TLL1: variants seen among roughly 807,000 people sequenced by gnomAD.
The protein encoded by TLL1 is tolloid-like protein 1.
Under a neutral mutation model 128.2 loss-of-function variants are expected in TLL1, and 49 were observed. That is an observed-to-expected ratio of 0.38 (90% confidence interval 0.30 to 0.48). The LOEUF (loss-of-function observed/expected upper bound fraction) is 0.48. TLL1 is among the 20% of genes least tolerant of loss of function. The pLI, the probability that TLL1 is intolerant of heterozygous loss-of-function variation, is 0.96. For missense variants in TLL1, 1,123 were observed against 1,242.0 expected (o/e 0.90, Z 1.44); for synonymous variants, 454 against 418.8 (o/e 1.08, Z -1.03).
intron 1 of TLL1, among the ~76,000 whole-genome samples, chr4:165,979,087 G>A (rs146630728): frequency 1.1e-4 from 16 of 152,104 alleles, no homozygotes; most frequent in East Asian, 3.9e-4. Flanking sequence ...CCATTATTAC[G>A]TGGCTATTGC....
At chr4:166,026,502 C>T (rs1247032439) in intron 9 of TLL1, among the ~76,000 whole-genome samples, 1 of 152,124 alleles carries the variant, frequency 6.6e-6, no homozygotes, top group African/African-American at 2.4e-5. Flanking sequence ...GCCTGGCCAA[C>T]ATGGTGAAGC....
chr4:166,064,714 C>T (rs764528435), intron 15 of TLL1, among the ~76,000 whole-genome samples: 53 of 152,120 alleles, frequency 3.5e-4, no homozygotes, highest in Middle Eastern at 3.4e-3. Flanking sequence ...TCTTTAGCCT[C>T]GGAAACAGTC....
intron 2 of TLL1, 51 bp downstream of exon 2, chr4:165,989,542 T>C: frequency 1.6e-6 from 2 of 1,287,574 alleles, no homozygotes; most frequent in Admixed American, 3.4e-5. Flanking sequence ...GAAAATATAC[T>C]CTTGAAGTGC....
At chr4:165,930,708 A>AC (rs1733476834) in intron 1 of TLL1, among the ~76,000 whole-genome samples, 1 of 152,238 alleles carries the variant, frequency 6.6e-6, no homozygotes. Flanking sequence ...GTCATTATTC[A>AC]CCTAGACAAA....
intron 16 of TLL1, among the ~76,000 whole-genome samples, chr4:166,069,370 G>A (rs1740710260): frequency 6.6e-6 from 1 of 151,516 alleles, no homozygotes; most frequent in Non-Finnish European, 1.5e-5. Context: ...TCAGCTATTT[G>A]TTCCACACTC....
chr4:166,031,083 T>C (rs1430881034), intron 9 of TLL1: 7 of 825,568 alleles, frequency 8.5e-6, no homozygotes, highest in Non-Finnish European at 1.0e-5. Flanking sequence ...GAATTACTCA[T>C]AAAATGAAGC....
chr4:165,938,287 C>G (rs575376080), intron 1 of TLL1, among the ~76,000 whole-genome samples: 1 of 152,094 alleles, frequency 6.6e-6, no homozygotes, highest in Non-Finnish European at 1.5e-5. Context: ...GTAGGTTTCT[C>G]TTTTATTTCT....
intron 13 of TLL1, among the ~76,000 whole-genome samples, chr4:166,056,878 C>T (rs377734619): frequency 3.1e-4 from 47 of 152,210 alleles, no homozygotes; most frequent in African/African-American, 1.0e-3. Context: ...GGGGCTTATA[C>T]GTTGTTCCTG....
intron 1 of TLL1, among the ~76,000 whole-genome samples, chr4:165,982,220 T>C (rs1736179157): frequency 6.6e-6 from 1 of 151,974 alleles, no homozygotes; most frequent in Non-Finnish European, 1.5e-5. Context: ...GGGTGCCTTA[T>C]TAATATTAAA....
intron 1 of TLL1, among the ~76,000 whole-genome samples, chr4:165,944,854 C>A (rs958617350): frequency 2.6e-5 from 4 of 151,958 alleles, no homozygotes; most frequent in Non-Finnish European, 5.9e-5. Context: ...TTTAGATATG[C>A]TATGTGGAAG....
At chr4:166,017,782 T>A (rs1738022067) in intron 8 of TLL1, among the ~76,000 whole-genome samples, 1 of 152,126 alleles carries the variant, frequency 6.6e-6, no homozygotes, top group Admixed American at 6.6e-5. Context: ...TTTCTCTTTC[T>A]GAAATAGTTA....
intron 1 of TLL1, among the ~76,000 whole-genome samples, chr4:165,947,349 A>G (rs1734302644): frequency 6.6e-6 from 1 of 152,106 alleles, no homozygotes; most frequent in African/African-American, 2.4e-5. Flanking sequence ...TAGGGCTTCA[A>G]CGTATTACTT....
Position 166,042,054 on chromosome 4 carries a change from A to G in TLL1, c.1289A>G (p.Glu430Gly), listed in dbSNP as rs1739262544. The G allele has an allele frequency of 3.1e-6, 5 of 1,612,070 alleles. No individual in the cohort carries two copies. The East Asian group carries it at 1.1e-4, about 36-fold the overall frequency. ...LGRFCGDKLP[E>G]VLTSTDSRMW... is the part of the protein sequence containing the mutation. Reference sequence around the variant, plus strand: ...AGATTCTGTGGGGACAAATTGCCTGAAGTTCTTACTTCTACAGACAGCAGA... The same window carrying G: ...AGATTCTGTGGGGACAAATTGCCTGGAGTTCTTACTTCTACAGACAGCAGA... Residue 430 changes from glutamate to glycine, a missense_variant, in exon 11 of 21, where the codon GAA (glutamate) becomes GGA (glycine). This residue lies in a region of TLL1 where 480 missense variants were observed against 542.4 expected (regional missense o/e 0.89). Transcript: ENST00000061240.
intron 13 of TLL1, 134 bp from the exon 14 acceptor site, chr4:166,057,050 C>T: frequency 1.1e-6 from 1 of 910,576 alleles, no homozygotes; most frequent in East Asian, 2.5e-5. Context: ...CTCACCAGGT[C>T]CCTCTCATGA....
At chr4:165,912,311 T>C (rs948218905) in intron 1 of TLL1, among the ~76,000 whole-genome samples, 1 of 152,204 alleles carries the variant, frequency 6.6e-6, no homozygotes, top group Non-Finnish European at 1.5e-5. Context: ...CTTGAGTGTC[T>C]GACTTCCACT....
At chr4:166,093,646 G>A (rs1741884725) in intron 19 of TLL1, among the ~76,000 whole-genome samples, 2 of 152,114 alleles carry the variant, frequency 1.3e-5, no homozygotes, top group Admixed American at 6.6e-5. Flanking sequence ...ACCCTTTACA[G>A]GTGTCGGGCT....
At chr4:166,047,218 G>A (rs1579669384) in intron 12 of TLL1, among the ~76,000 whole-genome samples, 1 of 151,344 alleles carries the variant, frequency 6.6e-6, no homozygotes, top group South Asian at 2.1e-4. Flanking sequence ...AGACTGCAAG[G>A]CAGTGGCGCG....
chr4:165,943,324 A>G (rs1429175485), intron 1 of TLL1, among the ~76,000 whole-genome samples: 1 of 152,070 alleles, frequency 6.6e-6, no homozygotes, highest in Non-Finnish European at 1.5e-5. Context: ...AACTCTCTTC[A>G]TTATTTGTAT....
chr4:166,062,991 C>A (rs945760763), intron 15 of TLL1, among the ~76,000 whole-genome samples: 19 of 152,070 alleles, frequency 1.2e-4, no homozygotes, highest in Admixed American at 3.9e-4. Flanking sequence ...TGGTTTTTGT[C>A]TTTGGTTCTG....
Sources: allele counts gnomAD v4.1 joint callset (sites outside exome capture counted in the v4.1 genomes callset), GRCh38; gene constraint gnomAD v4.1.1; regional missense constraint gnomAD v4.1.1; transcripts MANE v1.5; gene names NCBI Gene and HGNC (gene_info 2026-07-23, HGNC 2026-07-21).